Variants in NAALADL2 observed in about 807,000 individuals in gnomAD.
NAALADL2 encodes the protein N-acetylated alpha-linked acidic dipeptidase like 2.
A neutral mutation model predicts 87.2 loss-of-function variants in NAALADL2; 76 were observed. The ratio of observed to expected loss-of-function variants is 0.87; its 90% CI spans 0.72 to 1.05. The LOEUF is 1.05. Among genes scored for constraint, NAALADL2 ranks in the 50% least tolerant of loss-of-function variants. The pLI, the probability that NAALADL2 is intolerant of heterozygous loss-of-function variation, is 0.00. For synonymous variants in NAALADL2, 354 were observed against 331.0 expected, an observed-to-expected ratio of 1.07 and a Z score of -0.75; for missense variants, 1,089 against 945.8, an observed-to-expected ratio of 1.15 and a Z score of -1.99.
intron 3 of NAALADL2, among the ~76,000 whole-genome samples, chr3:174,804,497 C>T (rs1048615117): frequency 2.0e-5 from 3 of 152,096 alleles, no homozygotes; most frequent in African/African-American, 4.8e-5. Flanking sequence ...GAACTTCCAA[C>T]GCTATGTTGA....
chr3:174,494,604 C>T (rs1718401365), intron 1 of NAALADL2, among the ~76,000 whole-genome samples: 1 of 138,238 alleles, frequency 7.2e-6, no homozygotes. Context: ...GCACATGTAC[C>T]CTAGAACTTA....
In NAALADL2 at chr3:175,355,020, A is replaced by ATG. The variant is rs1325977007; in HGVS notation, c.1090+30696_1090+30697insGT. On this transcript the variant is annotated intron_variant, in intron 5 of 13. Coordinates refer to ENST00000454872, the MANE Select transcript of NAALADL2 (RefSeq NM_207015.3). ...ATTTATATATATAATTGCTATATAT[A>ATG]TATGTGTGTGTGTGTGTGTGTGTGT... 4.2e-3 allele frequency among the ~76,000 whole-genome samples: 421 copies of ATG among 100,642 alleles called. 5 individuals carry two copies. Among genetic ancestry groups the ATG allele is most frequent in the African/African-American group, 0.016 (399 of 25,166 alleles). 66.0% of individuals were successfully genotyped at this position (100,642 alleles called of 152,430 possible). A position where few individuals can be genotyped will look rare whatever the true frequency, so the allele number is the denominator to read the frequency against.
chr3:175,647,481 C>G (rs1196655835), intron 11 of NAALADL2, among the ~76,000 whole-genome samples: 1 of 152,050 alleles, frequency 6.6e-6, no homozygotes, highest in African/African-American at 2.4e-5. Context: ...AGATTATTCT[C>G]TCATATTTCT....
intron 1 of NAALADL2, among the ~76,000 whole-genome samples, chr3:175,008,777 C>CTAGG (rs1324409423): frequency 1.4e-5 from 2 of 142,674 alleles, no homozygotes; most frequent in Non-Finnish European, 3.0e-5. Flanking sequence ...AATCAACCTT[C>CTAGG]TAGGATTCCT....
chr3:175,134,688 A>G (rs975510778), intron 2 of NAALADL2, among the ~76,000 whole-genome samples: 4 of 132,696 alleles, frequency 3.0e-5, no homozygotes, highest in Non-Finnish European at 7.1e-5. Context: ...GTGGAACAAT[A>G]AGTAAGGGAG....
At chr3:175,476,484 T>C (rs1725718922) in intron 9 of NAALADL2, among the ~76,000 whole-genome samples, 1 of 152,198 alleles carries the variant, frequency 6.6e-6, no homozygotes. Context: ...ATGCATTATA[T>C]GACAGTGGCA....
chr3:175,066,243 C>T (rs781148009), intron 1 of NAALADL2, among the ~76,000 whole-genome samples: 4 of 152,086 alleles, frequency 2.6e-5, no homozygotes, highest in African/African-American at 7.2e-5. Flanking sequence ...TGACATTGCA[C>T]GTACTATGAG....
chr3:175,042,323 C>T (rs141821345), intron 1 of NAALADL2, among the ~76,000 whole-genome samples: 31 of 152,216 alleles, frequency 2.0e-4, no homozygotes, highest in African/African-American at 4.6e-4. Flanking sequence ...ATATACACCT[C>T]ATTTTCTTTA....
chr3:174,562,005 A>T (rs965226088), intron 2 of NAALADL2, among the ~76,000 whole-genome samples: 1 of 152,212 alleles, frequency 6.6e-6, no homozygotes, highest in African/African-American at 2.4e-5. Flanking sequence ...TGTGAAAAAT[A>T]ATCACTATAA....
intron 2 of NAALADL2, among the ~76,000 whole-genome samples, chr3:174,708,428 T>C (rs1393869242): frequency 6.6e-6 from 1 of 152,216 alleles, no homozygotes; most frequent in Admixed American, 6.5e-5. Context: ...GAGTGATATA[T>C]CATTTATTCC....
intron 3 of NAALADL2, among the ~76,000 whole-genome samples, chr3:174,816,034 G>A (rs1189668288): frequency 6.6e-6 from 1 of 151,324 alleles, no homozygotes; most frequent in African/African-American, 2.4e-5. Flanking sequence ...CAGACATTTG[G>A]ATCCCTAAAT....
intron 1 of NAALADL2, among the ~76,000 whole-genome samples, chr3:175,049,982 T>C (rs983264921): frequency 1.1e-5 from 1 of 91,466 alleles, no homozygotes; most frequent in Non-Finnish European, 2.3e-5. Context: ...AGTCTGCACA[T>C]TTTTTTTCCA....
At chr3:175,801,786 G>T (rs1054508841) in intron 13 of NAALADL2, among the ~76,000 whole-genome samples, 4 of 152,052 alleles carry the variant, frequency 2.6e-5, no homozygotes, top group African/African-American at 9.7e-5. Flanking sequence ...AGACAATGAT[G>T]CAATAATTCA....
At chr3:174,467,732 ACT>A (rs1488755668) in intron 1 of NAALADL2, among the ~76,000 whole-genome samples, 2 of 151,850 alleles carry the variant, frequency 1.3e-5, no homozygotes, top group Admixed American at 1.3e-4. Context: ...TGAACTGAAA[ACT>A]CTCTAAGATT....
At chr3:175,503,197 G>T (rs1729798231) in intron 9 of NAALADL2, among the ~76,000 whole-genome samples, 1 of 152,006 alleles carries the variant, frequency 6.6e-6, no homozygotes, top group South Asian at 2.1e-4. Context: ...GTTTTCTCCT[G>T]CATTAATTTG....
chr3:174,645,763 C>G (rs1723717162), intron 2 of NAALADL2, among the ~76,000 whole-genome samples: 1 of 152,068 alleles, frequency 6.6e-6, no homozygotes, highest in Non-Finnish European at 1.5e-5. Context: ...ACCATGTGTA[C>G]TGTGACTGGA....
intron 1 of NAALADL2, among the ~76,000 whole-genome samples, chr3:175,057,370 TAGAGCTCA>T (rs1712429775): frequency 6.6e-6 from 1 of 152,178 alleles, no homozygotes; most frequent in South Asian, 2.1e-4. Context: ...GATGTATTCT[TAGAGCTCA>T]AGATAAATAG....
intron 1 of NAALADL2, among the ~76,000 whole-genome samples, chr3:175,076,954 T>C (rs1716719589): frequency 6.6e-6 from 1 of 152,208 alleles, no homozygotes; most frequent in Admixed American, 6.5e-5. Context: ...TGGTGTTCTA[T>C]AATAATACAT....
At position 174,663,794 on chromosome 3, in the gene NAALADL2, C is replaced by CTT. The variant is rs71162401; in HGVS notation, c.-114-73837_-114-73836dup. Among the ~76,000 whole-genome samples, 335 of 142,652 alleles carry CTT rather than the reference C, an allele frequency of 2.3e-3. 1 individual carries two copies. Among genetic ancestry groups the CTT allele is most frequent in the African/African-American group, 7.0e-3 (270 of 38,550 alleles). The allele number at this position is 142,652 out of a possible 152,430, so 93.6% of individuals were successfully genotyped here. A position where few individuals can be genotyped will look rare whatever the true frequency, so the allele number is the denominator to read the frequency against. On this transcript the variant is annotated intron_variant, in intron 2 of 3. Transcript: ENST00000434257. ...TATTCACTGGATTTCTTTTTTTTTTCTTTTTTTTTTTGAGACAGAGTTTTG... is the reference window on the plus strand; with the variant it reads ...TATTCACTGGATTTCTTTTTTTTTTCTTTTTTTTTTTTTGAGACAGAGTTTTG...
Sources: gnomAD v4.1 joint callset for allele counts (sites outside exome capture counted in the v4.1 genomes callset) on GRCh38, gnomAD v4.1.1 for gene constraint, MANE v1.5 for transcripts, NCBI Gene and HGNC (gene_info 2026-07-23, HGNC 2026-07-21) for gene names.